The following TFRC variants were observed in gnomAD, a reference collection of about 807,000 sequenced individuals.
TFRC encodes the protein transferrin receptor protein 1.
TFRC carries 35 observed loss-of-function variants against 85.8 expected under a neutral mutation model. That is an observed-to-expected ratio of 0.41 (90% CI 0.31 to 0.54). The LOEUF (loss-of-function observed/expected upper bound fraction) is 0.54, where lower values mean the gene tolerates loss of function less well. TFRC is among the 20% of genes least tolerant of loss of function. The pLI is 0.31. For missense variants in TFRC, 828 were observed against 921.5 expected (o/e 0.90, Z 1.31); for synonymous variants, 362 against 328.6 (o/e 1.10, Z -1.10).
chr3:196,081,592 G>C (rs991850293), intron 1 of TFRC, among the ~76,000 whole-genome samples: 1 of 152,172 alleles, frequency 6.6e-6, no homozygotes, highest in Non-Finnish European at 1.5e-5. Flanking sequence ...CTGCACCTTG[G>C]CTGCGCCCGC....
chr3:196,075,389 A>G, intron 2 of TFRC, 29 bp from the exon 3 acceptor site: 1 of 1,610,640 alleles, frequency 6.2e-7, no homozygotes, highest in Admixed American at 1.7e-5. Flanking sequence ...CATGATGAAG[A>G]ACAGGCACGG....
Position 196,074,045 on chromosome 3 carries a change from G to A in TFRC, c.319C>T (p.Pro107Ser), listed in dbSNP as rs769424131. The change falls in exon 4 of 19, where the codon CCA becomes TCA. Residue 107 changes from proline (P) to serine (S), a missense_variant. Coordinates refer to ENST00000360110, the MANE Select transcript of TFRC (RefSeq NM_001128148.3). ...TCCTCTCCTGGCTCCTCCCTCACTG[G>A]AGACTCGGTTCCTGCCAGTCTCTCA... ...ECERLAGTES[P>S]VREEPGEDFP... 4.3e-6 allele frequency: 7 copies of A among 1,613,946 alleles called. No homozygotes were observed. In the African/African-American group the frequency reaches 6.7e-5, roughly 15 times the overall value.
At chr3:196,067,061 C>G (rs1577237804) in intron 9 of TFRC, among the ~76,000 whole-genome samples, 1 of 152,224 alleles carries the variant, frequency 6.6e-6, no homozygotes, top group Admixed American at 6.5e-5. Context: ...TGGAAACCAT[C>G]ATAAGAAGCA....
rs773273782 is a variant in TFRC at position 196,052,217 on chromosome 3, GC to G, written c.2041-34del. On this transcript the variant is annotated intron_variant, in intron 18 of 18. Transcript: ENST00000360110. Reference sequence around the variant, plus strand: ...AACAACACACAAGGCAATTTACACAGCCCTGTGACTTTTGTAGTAAAACAAC... The same window carrying G: ...AACAACACACAAGGCAATTTACACAGCCTGTGACTTTTGTAGTAAAACAAC... 22 of 1,594,614 alleles carry G rather than the reference GC, an allele frequency of 1.4e-5. No individual in the cohort carries two copies. The South Asian group carries it at 2.5e-4, about 18-fold the overall frequency.
chr3:196,053,549 G>C lies in TFRC; in HGVS notation c.1909C>G (p.Leu637Val), dbSNP rs374185030. 6.2e-7 allele frequency: 1 copy of C among 1,613,976 alleles called. No individual in the cohort carries two copies. The highest frequency in any genetic ancestry group is 8.5e-7 in the Non-Finnish European group (1 of 1,179,986). ...QYRADIKEMG[L>V]SLQWLYSARG... is the part of the protein sequence containing the mutation. ...GCAGAATACAGCCACTGTAAACTCAGGCCCATTTCCTGAAACAGACATTAT... is the reference window on the plus strand; with the variant it reads ...GCAGAATACAGCCACTGTAAACTCACGCCCATTTCCTGAAACAGACATTAT... Residue 637 changes from leucine to valine, a missense_variant, in exon 18 of 19, where the codon CTG becomes GTG. Transcript: ENST00000360110.
chr3:196,053,900 C>T (rs1018023472), intron 17 of TFRC, among the ~76,000 whole-genome samples: 1 of 152,144 alleles, frequency 6.6e-6, no homozygotes, highest in Non-Finnish European at 1.5e-5. Context: ...TAGTTATTTC[C>T]ACCTGGTAAG....
At position 196,080,595 on chromosome 3, in the gene TFRC, C is replaced by G. The variant is rs539631830; in HGVS notation, c.-24+1448G>C. On this transcript the variant is annotated intron_variant, in intron 1 of 18. Transcript: ENST00000360110. ...TTCAGGTTTAGCTGGGAATCTTGCT[C>G]CATGACATTTAAATACATTATCAGA... Among the ~76,000 whole-genome samples the G allele has an allele frequency of 1.1e-3, 166 of 152,348 alleles. 1 individual carries two copies. In the South Asian group the frequency reaches 0.027, roughly 25 times the overall value.
At chr3:196,059,668 T>C (rs1717109487) in intron 14 of TFRC, among the ~76,000 whole-genome samples, 2 of 152,074 alleles carry the variant, frequency 1.3e-5, no homozygotes, top group South Asian at 4.1e-4. Flanking sequence ...ATTGTGCAGG[T>C]TAGTTACATA....
Position 196,065,685 on chromosome 3 carries a change from G to A in TFRC, c.1041-85C>T, listed in dbSNP as rs778507615. ...TGTCCAGTGAAGTTACAGATTAAGAGGACATATAAACAAAACTTACTCTCA... is the reference window on the plus strand; with the variant it reads ...TGTCCAGTGAAGTTACAGATTAAGAAGACATATAAACAAAACTTACTCTCA... On this transcript the variant is annotated intron_variant, in intron 9 of 18. Coordinates refer to ENST00000360110, the MANE Select transcript of TFRC (RefSeq NM_001128148.3). 258 of 1,431,020 alleles carry A rather than the reference G, an allele frequency of 1.8e-4. 1 individual carries two copies. The highest frequency in any genetic ancestry group is 2.3e-4 in the Non-Finnish European group (248 of 1,083,356). 88.6% of individuals were successfully genotyped at this position (1,431,020 alleles called of 1,614,324 possible).
At chr3:196,065,421 G>GGGT in intron 10 of TFRC, 22 bp downstream of exon 10, 2 of 219,752 alleles carry the variant, frequency 9.1e-6, no homozygotes, top group South Asian at 1.1e-4. Flanking sequence ...GCGGGGCGGG[G>GGGT]GGGGGGGGGG....
chr3:196,057,173 G>A (rs1004934757), intron 16 of TFRC, among the ~76,000 whole-genome samples: 1 of 152,208 alleles, frequency 6.6e-6, no homozygotes, highest in African/African-American at 2.4e-5. Flanking sequence ...CTAAAAGGCA[G>A]AGGTGGACAG....
intron 1 of TFRC, among the ~76,000 whole-genome samples, chr3:196,079,721 G>A (rs1258138609): frequency 6.6e-6 from 1 of 152,176 alleles, no homozygotes; most frequent in African/African-American, 2.4e-5. Flanking sequence ...ATGAAGCTCA[G>A]GTAGGCAAAA....
chr3:196,070,643 T>A (rs973353644), intron 6 of TFRC, among the ~76,000 whole-genome samples: 1 of 151,882 alleles, frequency 6.6e-6, no homozygotes, highest in Admixed American at 6.6e-5. Context: ...TTTAAAAAGA[T>A]CAAGGGCTGG....
Position 196,051,817 on chromosome 3 carries a change from T to TAC in TFRC, c.*123_*124dup. On this transcript the variant is annotated 3_prime_UTR_variant, in exon 19 of 19. Transcript: ENST00000360110. ...GCTGCTGCCTAAAGACATCTAGTAGTACCAAGATGATGGGATGGAATTTTA... is the reference window on the plus strand; with the variant it reads ...GCTGCTGCCTAAAGACATCTAGTAGTACACCAAGATGATGGGATGGAATTTTA... 1.0e-5 allele frequency: 12 copies of TAC among 1,160,470 alleles called. No homozygotes were observed. The highest frequency in any genetic ancestry group is 1.2e-5 in the Non-Finnish European group (10 of 817,028). The allele number at this position is 1,160,470 out of a possible 1,614,324, so 71.9% of individuals were successfully genotyped here.
At chr3:196,071,301 T>C in intron 6 of TFRC, 95 bp downstream of exon 6, 2 of 1,208,802 alleles carry the variant, frequency 1.7e-6, no homozygotes, top group South Asian at 2.6e-5. Flanking sequence ...ATCATTTACA[T>C]TTTACAGGTA....
At chr3:196,057,775 CATT>C (rs1716925633) in intron 16 of TFRC, among the ~76,000 whole-genome samples, 1 of 121,940 alleles carries the variant, frequency 8.2e-6, no homozygotes, top group East Asian at 2.5e-4. Context: ...AGCAAGTCAC[CATT>C]GTCAAAAAAA....
rs1463612560 is a variant in TFRC at position 196,050,738 on chromosome 3, CAATTCACTGCATTTAGGAAA to C, written c.*1184_*1203del. 1 of 204,534 alleles carries C rather than the reference CAATTCACTGCATTTAGGAAA, an allele frequency of 4.9e-6. No individual in the cohort carries two copies. The highest frequency in any genetic ancestry group is 2.3e-5 in the African/African-American group (1 of 43,810). The allele number at this position is 204,534 out of a possible 1,614,324, so 12.7% of individuals were successfully genotyped here. On this transcript the variant is annotated 3_prime_UTR_variant, in exon 19 of 19. Transcript: ENST00000360110. ...GTGACATTGATTTATAACTTGGTCA[CAATTCACTGCATTTAGGAAA>C]ACCAGCATTCTTATCTGGTCAGTGC...
chr3:196,053,042 A>G (rs1275728877), intron 18 of TFRC, among the ~76,000 whole-genome samples: 2 of 151,916 alleles, frequency 1.3e-5, no homozygotes, highest in Non-Finnish European at 2.9e-5. Flanking sequence ...TGAACCTGGG[A>G]GGTGGAGGGT....
intron 18 of TFRC, 106 bp from the exon 19 acceptor site, chr3:196,052,290 GA>G: frequency 2.6e-6 from 2 of 780,896 alleles, no homozygotes; most frequent in African/African-American, 2.0e-5. Context: ...ATGCCGATCA[GA>G]CTTTTTTTTT....
Sources: allele counts gnomAD v4.1 joint callset (sites outside exome capture counted in the v4.1 genomes callset), GRCh38; gene constraint gnomAD v4.1.1; transcripts MANE v1.5; gene names NCBI Gene and HGNC (gene_info 2026-07-23, HGNC 2026-07-21).